The following PITPNM2 variants were observed in gnomAD, a reference collection of about 807,000 sequenced individuals.
The protein encoded by PITPNM2 is membrane-associated phosphatidylinositol transfer protein 2.
A neutral mutation model predicts 132.2 loss-of-function variants in PITPNM2; 35 were observed. That is an observed-to-expected ratio of 0.26 (90% confidence interval 0.20 to 0.35). The LOEUF (loss-of-function observed/expected upper bound fraction) is 0.35. Ranked by LOEUF, PITPNM2 falls within the 10% of genes least tolerant of loss-of-function variation. The pLI is 1.00. For synonymous variants in PITPNM2, 738 were observed against 799.2 expected (o/e 0.92, Z 1.29); for missense variants, 1,332 against 1,912.0 (o/e 0.70, Z 5.66).
At chr12:123,066,459 C>T (rs1442540902) in intron 2 of PITPNM2, among the ~76,000 whole-genome samples, 1 of 152,134 alleles carries the variant, frequency 6.6e-6, no homozygotes, top group Non-Finnish European at 1.5e-5. Flanking sequence ...ATGTATGCCA[C>T]CATCATCTCC....
intron 3 of PITPNM2, among the ~76,000 whole-genome samples, chr12:123,016,978 G>A (rs1415287408): frequency 2.6e-5 from 4 of 151,580 alleles, no homozygotes; most frequent in Non-Finnish European, 4.4e-5. Context: ...CCTGGGAGGC[G>A]GAGGTTGCAA....
Position 123,004,745 on chromosome 12 carries a change from G to A in PITPNM2, c.953-256C>T. ...GTGGGGAAGAGCATGACAGACATAAGCCCAGGACGTGGGGTAAGACAGGCC... is the reference window on the plus strand; with the variant it reads ...GTGGGGAAGAGCATGACAGACATAAACCCAGGACGTGGGGTAAGACAGGCC... On this transcript the variant is annotated intron_variant, in intron 7 of 25. Transcript: ENST00000320201. This position sits in a 1 kb window ranked among gnomAD's most constrained non-coding sequence, Gnocchi z 4.9. The A allele has an allele frequency of 1.7e-6, 1 of 597,426 alleles. No individual in the cohort carries two copies. Among genetic ancestry groups the A allele is most frequent in the Non-Finnish European group, 3.0e-6 (1 of 333,930 alleles). 37.0% of individuals were successfully genotyped at this position (597,426 alleles called of 1,614,324 possible). A position where few individuals can be genotyped will look rare whatever the true frequency, so the allele number is the denominator to read the frequency against.
At chr12:123,151,696 A>G (rs1019794557), upstream of PITPNM2, among the ~76,000 whole-genome samples, 4 of 152,150 alleles carry the variant, frequency 2.6e-5, no homozygotes, top group African/African-American at 9.6e-5. Context: ...CTGGCACGAC[A>G]GGGCTCTCCA....
chr12:123,089,845 T>C (rs2042211276), intron 2 of PITPNM2: 1 of 152,144 alleles, frequency 6.6e-6, no homozygotes, highest in African/African-American at 2.4e-5. Context: ...GAAAAGGCCT[T>C]GCTGTGAGCC....
At chr12:123,051,088 G>C (rs997107376) in intron 2 of PITPNM2, among the ~76,000 whole-genome samples, 3 of 152,134 alleles carry the variant, frequency 2.0e-5, no homozygotes, top group South Asian at 2.1e-4. Flanking sequence ...ATGATTTTGC[G>C]CAATGTCTTC....
In PITPNM2 at chr12:122,994,679, A is replaced by T; in HGVS notation, c.2233+122T>A. The T allele has an allele frequency of 8.7e-7, 1 of 1,145,952 alleles. No homozygotes were observed. Among genetic ancestry groups the T allele is most frequent in the Non-Finnish European group, 1.2e-6 (1 of 840,702 alleles). The allele number at this position is 1,145,952 out of a possible 1,614,324, so 71.0% of individuals were successfully genotyped here. A position where few individuals can be genotyped will look rare whatever the true frequency, so the allele number is the denominator to read the frequency against. On this transcript the variant is annotated intron_variant, in intron 15 of 25. Transcript: ENST00000320201. This position sits in a 1 kb window ranked among gnomAD's most constrained non-coding sequence, Gnocchi z 5.4. ...TAGCAAGGGGCCCTTGGTGGGGAAGACAGGAAGGAGGGCAGAAACAGGCCT... is the reference window on the plus strand; with the variant it reads ...TAGCAAGGGGCCCTTGGTGGGGAAGTCAGGAAGGAGGGCAGAAACAGGCCT...
intron 2 of PITPNM2, chr12:123,090,726 T>A (rs1007886162): frequency 2.0e-5 from 3 of 152,176 alleles, no homozygotes; most frequent in African/African-American, 7.2e-5. Context: ...TCCAACACCC[T>A]ATAAGATACA....
intron 2 of PITPNM2, among the ~76,000 whole-genome samples, chr12:123,102,771 A>T (rs1200237851): frequency 1.3e-5 from 2 of 152,200 alleles, no homozygotes; most frequent in Admixed American, 6.5e-5. Flanking sequence ...AAGTCACTCG[A>T]TGCAATGAGA....
chr12:123,085,514 A>G (rs1277206166), intron 2 of PITPNM2, among the ~76,000 whole-genome samples: 3 of 152,116 alleles, frequency 2.0e-5, no homozygotes, highest in Admixed American at 2.0e-4. Context: ...GGGTGAGGAA[A>G]AGGGTTGGGA....
At chr12:123,135,790 C>A (rs1306200625) in intron 1 of PITPNM2, among the ~76,000 whole-genome samples, 1 of 152,094 alleles carries the variant, frequency 6.6e-6, no homozygotes, top group Non-Finnish European at 1.5e-5. Context: ...CACACCATAG[C>A]CCCAAACTCC....
intron 4 of PITPNM2, among the ~76,000 whole-genome samples, chr12:123,013,018 C>T (rs746803718): frequency 1.1e-4 from 16 of 152,234 alleles, no homozygotes; most frequent in Non-Finnish European, 1.8e-4. Context: ...GGCAGGAACA[C>T]GGGCACAGCT....
At chr12:122,988,396 G>C in intron 19 of PITPNM2, 46 bp from the exon 20 acceptor site, 1 of 1,544,666 alleles carries the variant, frequency 6.5e-7, no homozygotes, top group East Asian at 2.3e-5. Flanking sequence ...TGCCACCCGG[G>C]GGCTTCCTGC....
At chr12:123,118,172 A>C (rs997088230) in intron 1 of PITPNM2, among the ~76,000 whole-genome samples, 1 of 152,240 alleles carries the variant, frequency 6.6e-6, no homozygotes, top group African/African-American at 2.4e-5. Context: ...CCAAATTGAT[A>C]CTAATTGTCA....
chr12:123,041,509 C>T (rs77014600), intron 2 of PITPNM2, among the ~76,000 whole-genome samples: 278 of 152,284 alleles, frequency 1.8e-3, no homozygotes, highest in African/African-American at 6.1e-3. Context: ...CAGACCCTCC[C>T]GTATCAGAGC....
At chr12:123,062,276 T>G (rs1160076490) in intron 2 of PITPNM2, among the ~76,000 whole-genome samples, 1 of 152,170 alleles carries the variant, frequency 6.6e-6, no homozygotes. Context: ...AACTGAGCCT[T>G]GGTTTACTCA....
At chr12:123,104,150 C>T (rs926579292) in intron 2 of PITPNM2, among the ~76,000 whole-genome samples, 1 of 152,192 alleles carries the variant, frequency 6.6e-6, no homozygotes, top group African/African-American at 2.4e-5. Context: ...AGCCTGGTCT[C>T]GAACTCCCGA....
In PITPNM2 at chr12:123,005,257, C is replaced by G; in HGVS notation, c.935G>C (p.Arg312Pro). The part of the protein sequence containing the change: ...KQWSTSSKSS[R>P]SSKRGASPSR... ...GGCCTTACCTCCCCGCTTGGACGAC[C>G]GAGACGACTTGGAGGATGTGGACCA... Residue 312 changes from arginine (R) to proline (P), a missense_variant, in exon 7 of 26, where the codon CGG becomes CCG. Coordinates refer to ENST00000320201, the MANE Select transcript of PITPNM2 (RefSeq NM_020845.3). This position sits in a 1 kb window ranked among gnomAD's most constrained non-coding sequence, Gnocchi z 6.2. 1 of 1,612,378 alleles carries G rather than the reference C, an allele frequency of 6.2e-7. No homozygotes were observed.
chr12:123,048,401 T>G (rs556879877), intron 2 of PITPNM2, among the ~76,000 whole-genome samples: 20 of 147,900 alleles, frequency 1.4e-4, no homozygotes, highest in East Asian at 2.0e-4. Flanking sequence ...GTAGTTAGTG[T>G]TTTTTTTTTG....
intron 1 of PITPNM2, among the ~76,000 whole-genome samples, chr12:123,131,606 G>A (rs1443987878): frequency 6.6e-6 from 1 of 152,174 alleles, no homozygotes; most frequent in East Asian, 1.9e-4. Context: ...GGAGGCAGAG[G>A]GAGAGTCTGG....
Sources: gnomAD v4.1 joint callset for allele counts (sites outside exome capture counted in the v4.1 genomes callset) on GRCh38, gnomAD v4.1.1 for gene constraint, Gnocchi (gnomAD v3.1) non-coding constraint, MANE v1.5 for transcripts, NCBI Gene and HGNC (gene_info 2026-07-23, HGNC 2026-07-21) for gene names.